The following GRID1 variants were observed in gnomAD, a reference collection of about 807,000 sequenced individuals.
GRID1 encodes the protein glutamate receptor ionotropic, delta-1.
GRID1 carries 28 observed loss-of-function variants against 98.0 expected under a neutral mutation model. The observed-to-expected ratio is 0.29, with a 90% CI of 0.21 to 0.39. The LOEUF (loss-of-function observed/expected upper bound fraction) is 0.39. Among genes scored for constraint, GRID1 ranks in the 10% least tolerant of loss-of-function variants. The pLI, the probability that GRID1 is intolerant of heterozygous loss-of-function variation, is 1.00. For missense variants in GRID1, 1,111 were observed against 1,340.5 expected (o/e 0.83, Z 2.67); for synonymous variants, 553 against 538.5 (o/e 1.03, Z -0.37).
chr10:85,722,993 A>G lies in GRID1; in HGVS notation c.1997+10T>C. 6.2e-7 allele frequency: 1 copy of G among 1,604,574 alleles called. No homozygotes were observed. The highest frequency in any genetic ancestry group is 2.2e-5 in the East Asian group (1 of 44,566). On this transcript the variant is annotated intron_variant, in intron 12 of 15. Coordinates refer to ENST00000327946, the MANE Select transcript of GRID1 (RefSeq NM_017551.3). ...GCTGCTGGCTCCAGATCAAGGAGGA[A>G]TAGGCTTACCTTATGGGGTTGTCCA...
intron 4 of GRID1, among the ~76,000 whole-genome samples, chr10:86,026,553 C>T (rs770765215): frequency 1.3e-5 from 2 of 152,176 alleles, no homozygotes; most frequent in African/African-American, 2.4e-5. Context: ...AAGAGAAAGC[C>T]ATTCCTTCGA....
intron 4 of GRID1, among the ~76,000 whole-genome samples, chr10:86,106,745 A>G (rs192194047): frequency 6.6e-6 from 1 of 152,150 alleles, no homozygotes; most frequent in Admixed American, 6.5e-5. Context: ...GGGCATGTCT[A>G]CGGAAGCAAG....
intron 4 of GRID1, among the ~76,000 whole-genome samples, chr10:86,051,391 G>T (rs76940972): frequency 0.032 from 4,772 of 150,688 alleles, 207 homozygotes; most frequent in African/African-American, 0.099. Flanking sequence ...GAAAAGTGAG[G>T]GAAATATTTT....
In GRID1 at chr10:85,613,484, G is replaced by A. The variant is rs1471971834; in HGVS notation, c.2524C>T (p.Leu842=). 6.2e-7 allele frequency: 1 copy of A among 1,614,120 alleles called. No individual in the cohort carries two copies. Among genetic ancestry groups the A allele is most frequent in the South Asian group, 1.1e-5 (1 of 91,090 alleles). The change falls in exon 15 of 16, where the codon CTG becomes TTG. Residue 842 remains leucine (L), a synonymous_variant. Transcript: ENST00000327946. ...AGVFCILAIG[L]LLACLVAALE... ...GCAGCCACCAGGCAGGCCAGGAGCA[G>A]GCCAATGGCCAGGATGCAGAAGACC...
rs1051863851 is a variant in GRID1, at chr10:85,895,013, A to G, written c.780+21173T>C. The stretch of plus-strand genomic sequence containing the variant: ...AAACTGGGACTCTCAAAAAAAAAAA[A>G]AAAATATATATATATATATATATAT... On this transcript the variant is annotated intron_variant, in intron 5 of 15. Transcript: ENST00000327946. Among the ~76,000 whole-genome samples the G allele has an allele frequency of 3.3e-4, 42 of 125,904 alleles. 1 individual carries two copies. Among genetic ancestry groups the G allele is most frequent in the Admixed American group, 5.8e-4 (7 of 12,042 alleles). The allele number at this position is 125,904 out of a possible 152,430, so 82.6% of individuals were successfully genotyped here.
At chr10:85,864,224 G>C (rs535063225) in intron 6 of GRID1, among the ~76,000 whole-genome samples, 1 of 152,342 alleles carries the variant, frequency 6.6e-6, no homozygotes, top group South Asian at 2.1e-4. Context: ...AGATGTCACA[G>C]CTTGAGAAAT....
chr10:86,125,923 G>A (rs1844745921), intron 4 of GRID1, among the ~76,000 whole-genome samples: 1 of 152,136 alleles, frequency 6.6e-6, no homozygotes, highest in Non-Finnish European at 1.5e-5. Flanking sequence ...TTGATCAAAT[G>A]TTTATGTTAT....
At chr10:85,800,272 G>T (rs1842563736) in intron 8 of GRID1, among the ~76,000 whole-genome samples, 2 of 151,860 alleles carry the variant, frequency 1.3e-5, no homozygotes, top group Admixed American at 1.3e-4. Context: ...ACAATTTAAT[G>T]AGCATATAGT....
At chr10:86,341,667 G>A (rs1225832231) in intron 2 of GRID1, among the ~76,000 whole-genome samples, 3 of 152,312 alleles carry the variant, frequency 2.0e-5, no homozygotes, top group South Asian at 2.1e-4. Flanking sequence ...CTCTTGCTAT[G>A]AGCCTGGCAT....
intron 3 of GRID1, among the ~76,000 whole-genome samples, chr10:86,166,297 C>A (rs1589394592): frequency 6.6e-6 from 1 of 151,984 alleles, no homozygotes; most frequent in Non-Finnish European, 1.5e-5. Context: ...TACAATCTAC[C>A]CATCTGACAA....
Position 86,086,566 on chromosome 10 carries a change from C to A in GRID1, c.726+52253G>T, listed in dbSNP as rs192099716. 6.9e-4 allele frequency among the ~76,000 whole-genome samples: 105 copies of A among 152,318 alleles called. No individual in the cohort carries two copies. In the Middle Eastern group the frequency reaches 0.01, roughly 15 times the overall value. On this transcript the variant is annotated intron_variant, in intron 4 of 15. Transcript: ENST00000327946. Reference sequence around the variant, plus strand: ...ACACCTGTCTGAGGGTTCTGCAGAACCCACAGGGGGTTATAAGCAAATGAA... The same window carrying A: ...ACACCTGTCTGAGGGTTCTGCAGAAACCACAGGGGGTTATAAGCAAATGAA...
intron 3 of GRID1, among the ~76,000 whole-genome samples, chr10:86,197,583 G>A (rs1845894775): frequency 6.6e-6 from 1 of 152,110 alleles, no homozygotes; most frequent in Non-Finnish European, 1.5e-5. Context: ...GGGCACAATG[G>A]TGTGTGGTGA....
At chr10:86,040,248 T>C (rs529604741) in intron 4 of GRID1, among the ~76,000 whole-genome samples, 2 of 152,294 alleles carry the variant, frequency 1.3e-5, no homozygotes, top group South Asian at 2.1e-4. Flanking sequence ...ACAGGGTATA[T>C]ATCCAAAGGA....
At chr10:86,251,364 AAAAAAAAAAAAAT>A (rs979609632) in intron 2 of GRID1, among the ~76,000 whole-genome samples, 3 of 6,968 alleles carry the variant, frequency 4.3e-4, no homozygotes, top group African/African-American at 9.9e-4. Flanking sequence ...AAAAAAAAAA[AAAAAAAAAAAAAT>A]TGCATGTATT....
At chr10:85,825,240 T>C (rs1210257391) in intron 8 of GRID1, among the ~76,000 whole-genome samples, 3 of 152,334 alleles carry the variant, frequency 2.0e-5, no homozygotes, top group East Asian at 1.9e-4. Context: ...CTGGCTGGGG[T>C]AAGGTGATAT....
chr10:86,235,010 G>A (rs987392308), intron 2 of GRID1, among the ~76,000 whole-genome samples: 3 of 152,218 alleles, frequency 2.0e-5, no homozygotes, highest in Non-Finnish European at 1.5e-5. Context: ...CTCCACGGAC[G>A]TGCATGCAGA....
At chr10:85,717,203 C>A (rs954364601) in intron 12 of GRID1, among the ~76,000 whole-genome samples, 1 of 151,884 alleles carries the variant, frequency 6.6e-6, no homozygotes, top group Non-Finnish European at 1.5e-5. Flanking sequence ...AGTGCACATG[C>A]AAACGGTATA....
At chr10:86,055,051 C>A (rs964312967) in intron 4 of GRID1, among the ~76,000 whole-genome samples, 2 of 152,160 alleles carry the variant, frequency 1.3e-5, no homozygotes, top group African/African-American at 4.8e-5. Context: ...TGGAGAAAAG[C>A]CACATGAGCC....
intron 12 of GRID1, among the ~76,000 whole-genome samples, chr10:85,676,418 C>T (rs1009440342): frequency 1.3e-5 from 2 of 152,166 alleles, no homozygotes; most frequent in South Asian, 2.1e-4. Flanking sequence ...AGCTAGTTTC[C>T]ACCTGATACC....
Sources: allele counts gnomAD v4.1 joint callset (sites outside exome capture counted in the v4.1 genomes callset), GRCh38; gene constraint gnomAD v4.1.1; transcripts MANE v1.5; gene names NCBI Gene and HGNC (gene_info 2026-07-23, HGNC 2026-07-21).